Variants in SORCS1 observed in about 807,000 individuals in gnomAD.
SORCS1 encodes the protein sortilin related VPS10 domain containing receptor 1, also known as VPS10 domain-containing receptor SorCS1.
Under a neutral mutation model 146.1 loss-of-function variants are expected in SORCS1, and 60 were observed. That is an observed-to-expected ratio of 0.41 (90% confidence interval 0.33 to 0.51). SORCS1 has a LOEUF of 0.51. Among genes scored for constraint, SORCS1 ranks in the 20% least tolerant of loss-of-function variants. The pLI, the probability that SORCS1 is intolerant of heterozygous loss-of-function variation, is 0.21. For synonymous variants in SORCS1, 637 were observed against 584.0 expected, an observed-to-expected ratio of 1.09 and a Z score of -1.31; for missense variants, 1,352 against 1,487.6, an observed-to-expected ratio of 0.91 and a Z score of 1.50.
At chr10:106,834,296 T>C (rs1410548852) in intron 2 of SORCS1, among the ~76,000 whole-genome samples, 1 of 152,216 alleles carries the variant, frequency 6.6e-6, no homozygotes, top group East Asian at 1.9e-4. Context: ...TTAACTATCA[T>C]CCCTAGGTAT....
At chr10:107,113,073 T>A (rs1467016959) in intron 1 of SORCS1, among the ~76,000 whole-genome samples, 3 of 152,176 alleles carry the variant, frequency 2.0e-5, no homozygotes, top group South Asian at 4.1e-4. Flanking sequence ...CAAATGCACA[T>A]GAACTTTCTC....
chr10:107,031,772 CA>C (rs1958669611), intron 1 of SORCS1, among the ~76,000 whole-genome samples: 1 of 152,024 alleles, frequency 6.6e-6, no homozygotes, highest in South Asian at 2.1e-4. Context: ...CATGCCTGGC[CA>C]AAATGACATC....
intron 2 of SORCS1, among the ~76,000 whole-genome samples, chr10:106,880,177 A>G (rs1022939929): frequency 1.3e-5 from 2 of 152,198 alleles, no homozygotes; most frequent in Non-Finnish European, 2.9e-5. Context: ...AATAGTTCCA[A>G]ATGAAGTCTT....
At chr10:107,179,050 A>G in the SORCS1 span, among the ~76,000 whole-genome samples, 7 of 152,154 alleles carry the variant, frequency 4.6e-5, no homozygotes, top group Non-Finnish European at 8.8e-5. Flanking sequence ...ATTGTTATCC[A>G]TGATGGCTGT....
intron 4 of SORCS1, among the ~76,000 whole-genome samples, chr10:106,765,126 CAG>C (rs960207979): frequency 6.7e-6 from 1 of 149,746 alleles, no homozygotes; most frequent in Non-Finnish European, 1.5e-5. Flanking sequence ...TGTTAGAGAA[CAG>C]GGAAAGATTC....
chr10:107,069,270 C>T (rs976531075), intron 1 of SORCS1, among the ~76,000 whole-genome samples: 1 of 152,186 alleles, frequency 6.6e-6, no homozygotes, highest in Non-Finnish European at 1.5e-5. Context: ...TACCATATCA[C>T]CACCTCCAGA....
intron 1 of SORCS1, among the ~76,000 whole-genome samples, chr10:107,147,452 T>G (rs111867159): frequency 0.017 from 2,573 of 152,252 alleles, 64 homozygotes; most frequent in African/African-American, 0.058. Flanking sequence ...AGGGAGCTGT[T>G]GCCTCCAATG....
chr10:106,709,347 A>G lies in SORCS1; in HGVS notation c.1025-6T>C, dbSNP rs1854781206. The G allele has an allele frequency of 6.6e-6, 10 of 1,516,488 alleles. No homozygotes were observed. The East Asian group carries it at 2.3e-4, about 34-fold the overall frequency. The allele number at this position is 1,516,488 out of a possible 1,614,324, so 93.9% of individuals were successfully genotyped here. ...GCAAGTTAGATAATGTGAATCTGAA[A>G]AACAAAAACAAAAACAAAAACATGG... On this transcript the variant is annotated splice_region_variant and splice_polypyrimidine_tract_variant and intron_variant, in intron 6 of 25. Coordinates refer to ENST00000263054, the MANE Select transcript of SORCS1 (RefSeq NM_052918.5).
chr10:106,769,207 T>C (rs1263256518), intron 4 of SORCS1, among the ~76,000 whole-genome samples: 2 of 152,118 alleles, frequency 1.3e-5, no homozygotes, highest in African/African-American at 4.8e-5. Flanking sequence ...AACAATTGGC[T>C]GGGAGCGGTG....
intron 19 of SORCS1, among the ~76,000 whole-genome samples, chr10:106,621,602 G>C (rs534028652): frequency 6.6e-6 from 1 of 151,680 alleles, no homozygotes; most frequent in Admixed American, 6.6e-5. Flanking sequence ...ACTCCTTCTG[G>C]GGGGGTCTAG....
At chr10:106,585,669 C>A (rs1228201086) in intron 24 of SORCS1, among the ~76,000 whole-genome samples, 1 of 152,200 alleles carries the variant, frequency 6.6e-6, no homozygotes, top group Admixed American at 6.5e-5. Flanking sequence ...AAATCTGTTT[C>A]TTCATGTCTT....
intron 1 of SORCS1, among the ~76,000 whole-genome samples, chr10:107,126,746 C>T (rs543825657): frequency 1.8e-4 from 28 of 152,114 alleles, no homozygotes; most frequent in African/African-American, 5.8e-4. Flanking sequence ...CCTTTAATCG[C>T]GGGCATTTCC....
At chr10:106,983,845 G>A (rs1218735005) in intron 1 of SORCS1, among the ~76,000 whole-genome samples, 2 of 152,192 alleles carry the variant, frequency 1.3e-5, no homozygotes, top group Admixed American at 6.5e-5. Context: ...CGTAGCAATT[G>A]TGGGAAATTT....
At chr10:106,869,379 A>G (rs1950328058) in intron 2 of SORCS1, among the ~76,000 whole-genome samples, 1 of 152,172 alleles carries the variant, frequency 6.6e-6, no homozygotes, top group South Asian at 2.1e-4. Flanking sequence ...CCTCGCAGAC[A>G]CACAACAAAA....
At chr10:107,113,571 T>A (rs1965830960) in intron 1 of SORCS1, among the ~76,000 whole-genome samples, 1 of 151,290 alleles carries the variant, frequency 6.6e-6, no homozygotes, top group Non-Finnish European at 1.5e-5. Context: ...GTGCCTGTAG[T>A]CCCAGCTACT....
chr10:106,798,848 A>G (rs1946725545), intron 3 of SORCS1, among the ~76,000 whole-genome samples: 1 of 135,870 alleles, frequency 7.4e-6, no homozygotes, highest in African/African-American at 2.5e-5. Flanking sequence ...CAAGCTACCA[A>G]TGACTTTTTT....
chr10:106,619,293 T>C (rs1191218222), intron 20 of SORCS1, among the ~76,000 whole-genome samples: 1 of 152,194 alleles, frequency 6.6e-6, no homozygotes, highest in Non-Finnish European at 1.5e-5. Flanking sequence ...TAGTTTCAGG[T>C]GAAATTAAAA....
At chr10:107,024,142 C>G (rs1182738292) in intron 1 of SORCS1, among the ~76,000 whole-genome samples, 1 of 136,728 alleles carries the variant, frequency 7.3e-6, no homozygotes, top group Non-Finnish European at 1.5e-5. Flanking sequence ...CCATGGCACT[C>G]TAGCCTGGGT....
At chr10:107,050,465 AT>A (rs1406232942) in intron 1 of SORCS1, among the ~76,000 whole-genome samples, 6 of 152,180 alleles carry the variant, frequency 3.9e-5, no homozygotes, top group Non-Finnish European at 7.4e-5. Context: ...TGAAGGATGT[AT>A]TTTGATTGTA....
Sources: allele counts gnomAD v4.1 joint callset (sites outside exome capture counted in the v4.1 genomes callset), GRCh38; gene constraint gnomAD v4.1.1; transcripts MANE v1.5; gene names NCBI Gene and HGNC (gene_info 2026-07-23, HGNC 2026-07-21).